Variants in PLPPR1 observed in about 807,000 individuals in gnomAD.
The protein encoded by PLPPR1 is phospholipid phosphatase-related protein type 1.
Under a neutral mutation model 33.1 loss-of-function variants are expected in PLPPR1, and 10 were observed. The observed-to-expected ratio is 0.30, with a 90% confidence interval of 0.19 to 0.51. The LOEUF is 0.51. PLPPR1 is among the 20% of genes least tolerant of loss of function. The probability of loss-of-function intolerance (pLI) is 0.97; values close to 1 mark genes in which losing one functional copy is unlikely to be tolerated. For synonymous variants in PLPPR1, 151 were observed against 151.0 expected, an observed-to-expected ratio of 1.00 and a Z score of 0.00; for missense variants, 304 against 408.1, an observed-to-expected ratio of 0.74 and a Z score of 2.20.
intron 1 of PLPPR1, among the ~76,000 whole-genome samples, chr9:101,083,682 T>A (rs1273524188): frequency 6.6e-6 from 1 of 152,168 alleles, no homozygotes; most frequent in Non-Finnish European, 1.5e-5. Flanking sequence ...CCATGCAGCA[T>A]CCTCAGTGTA....
At chr9:101,306,292 G>A (rs1828857947) in intron 4 of PLPPR1, among the ~76,000 whole-genome samples, 1 of 152,198 alleles carries the variant, frequency 6.6e-6, no homozygotes, top group Admixed American at 6.5e-5. Context: ...CTGGAGATTT[G>A]TATTTCCCAG....
chr9:101,078,116 G>GAAA (rs1830564680), intron 1 of PLPPR1, among the ~76,000 whole-genome samples: 1 of 5,360 alleles, frequency 1.9e-4, no homozygotes, highest in Admixed American at 2.0e-3. Context: ...AGAAGAAGAA[G>GAAA]AAGAAGAAGA....
At chr9:101,150,643 G>A (rs1396295277) in intron 1 of PLPPR1, among the ~76,000 whole-genome samples, 1 of 152,112 alleles carries the variant, frequency 6.6e-6, no homozygotes, top group East Asian at 1.9e-4. Flanking sequence ...GTCATAGTTG[G>A]TTAGTGTCAT....
chr9:101,083,462 T>C (rs1830643988), intron 1 of PLPPR1, among the ~76,000 whole-genome samples: 1 of 152,066 alleles, frequency 6.6e-6, no homozygotes, highest in Non-Finnish European at 1.5e-5. Flanking sequence ...CTTTTTTCTT[T>C]CTCCTGTTAT....
chr9:101,310,392 A>G lies in PLPPR1; in HGVS notation c.636+931A>G, dbSNP rs529461664. Reference sequence around the variant, plus strand: ...CTTATTTTATATTCAGAATATGACTAGTCTGGTAATTCTCAATGGAAAGTG... The same window carrying G: ...CTTATTTTATATTCAGAATATGACTGGTCTGGTAATTCTCAATGGAAAGTG... On this transcript the variant is annotated intron_variant, in intron 5 of 7. Transcript: ENST00000374874. 5.9e-5 allele frequency among the ~76,000 whole-genome samples: 9 copies of G among 152,282 alleles called. No homozygotes were observed. In the South Asian group the frequency reaches 1.7e-3, roughly 28 times the overall value.
At chr9:101,214,874 T>G (rs1001768902) in intron 2 of PLPPR1, among the ~76,000 whole-genome samples, 2 of 151,656 alleles carry the variant, frequency 1.3e-5, no homozygotes, top group Admixed American at 1.3e-4. Flanking sequence ...AATACAAAAC[T>G]TAGCCAGGCA....
chr9:101,098,862 G>A (rs1341068270), intron 1 of PLPPR1, among the ~76,000 whole-genome samples: 2 of 152,094 alleles, frequency 1.3e-5, no homozygotes, highest in Non-Finnish European at 2.9e-5. Flanking sequence ...TGGAAAGTGA[G>A]AAGTGAGTCT....
At chr9:101,058,783 A>G (rs1054331949) in intron 1 of PLPPR1, among the ~76,000 whole-genome samples, 8 of 152,182 alleles carry the variant, frequency 5.3e-5, no homozygotes, top group African/African-American at 1.9e-4. Context: ...AATAACAACA[A>G]TTAAGTTCCA....
intron 3 of PLPPR1, among the ~76,000 whole-genome samples, chr9:101,281,420 T>C (rs771095847): frequency 1.3e-4 from 20 of 152,192 alleles, no homozygotes; most frequent in Middle Eastern, 3.4e-3. Flanking sequence ...TTCTGACATT[T>C]ATATGACATC....
At chr9:101,161,780 C>A (rs1831776992) in intron 1 of PLPPR1, among the ~76,000 whole-genome samples, 1 of 152,062 alleles carries the variant, frequency 6.6e-6, no homozygotes, top group Non-Finnish European at 1.5e-5. Context: ...TGTAAAAGTT[C>A]TTTTCTGAAA....
intron 3 of PLPPR1, among the ~76,000 whole-genome samples, chr9:101,278,159 G>A (rs1335670942): frequency 2.0e-5 from 3 of 152,182 alleles, no homozygotes; most frequent in Admixed American, 2.0e-4. Context: ...AACATGCAGT[G>A]AAATTTCCTT....
chr9:101,245,742 G>A (rs1664531547), intron 2 of PLPPR1, among the ~76,000 whole-genome samples: 1 of 151,698 alleles, frequency 6.6e-6, no homozygotes, highest in Non-Finnish European at 1.5e-5. Context: ...ATCTGTAACT[G>A]GAAAGACTGA....
At chr9:101,094,806 G>A (rs1830793621) in intron 1 of PLPPR1, among the ~76,000 whole-genome samples, 1 of 152,146 alleles carries the variant, frequency 6.6e-6, no homozygotes, top group Non-Finnish European at 1.5e-5. Flanking sequence ...TACTTTAGCA[G>A]CCACTGTGTC....
chr9:101,189,773 CTG>C (rs559035303), intron 2 of PLPPR1, among the ~76,000 whole-genome samples: 5 of 152,112 alleles, frequency 3.3e-5, no homozygotes, highest in South Asian at 4.1e-4. Context: ...TCCAGAAATT[CTG>C]TGTGTTTTTA....
At chr9:101,030,335 G>C (rs928710486) in intron 1 of PLPPR1, among the ~76,000 whole-genome samples, 8 of 150,884 alleles carry the variant, frequency 5.3e-5, no homozygotes, top group African/African-American at 2.0e-4. Flanking sequence ...AGGTTGACTG[G>C]AGGGGACGTA....
intron 1 of PLPPR1, among the ~76,000 whole-genome samples, chr9:101,154,955 C>T (rs1831656820): frequency 8.8e-6 from 1 of 113,350 alleles, no homozygotes; most frequent in South Asian, 2.9e-4. Context: ...ACACTGGGGC[C>T]TCTCATGGGG....
Position 101,204,894 on chromosome 9 carries a change from A to T in PLPPR1, c.63+19337A>T, listed in dbSNP as rs193201902. Among the ~76,000 whole-genome samples, 636 of 152,238 alleles carry T rather than the reference A, an allele frequency of 4.2e-3. 10 individuals are homozygous for T. Among genetic ancestry groups the T allele is most frequent in the Non-Finnish European group, 3.0e-3 (204 of 68,012 alleles). On this transcript the variant is annotated intron_variant, in intron 2 of 7. Transcript: ENST00000374874. ...GGTCCCTGAAAGAAGTTTAGGTTCT[A>T]TCTTTGGAGAGAAGGTTTGTGTATA...
intron 2 of PLPPR1, among the ~76,000 whole-genome samples, chr9:101,196,744 A>G (rs886534170): frequency 3.9e-5 from 6 of 152,106 alleles, no homozygotes; most frequent in Non-Finnish European, 2.9e-5. Flanking sequence ...GGGTGCCTGT[A>G]GTCCCAGCTA....
chr9:101,154,747 T>G (rs1041591886), intron 1 of PLPPR1, among the ~76,000 whole-genome samples: 1 of 151,742 alleles, frequency 6.6e-6, no homozygotes, highest in African/African-American at 2.4e-5. Flanking sequence ...ATTAAGAAAA[T>G]GTGGCACATA....
Sources: gnomAD v4.1 joint callset for allele counts (sites outside exome capture counted in the v4.1 genomes callset) on GRCh38, gnomAD v4.1.1 for gene constraint, MANE v1.5 for transcripts, NCBI Gene and HGNC (gene_info 2026-07-23, HGNC 2026-07-21) for gene names.